The following ECT2L variants were observed in gnomAD, a reference collection of about 807,000 sequenced individuals.
ECT2L encodes epithelial cell-transforming sequence 2 oncogene-like.
Under a neutral mutation model 122.8 loss-of-function variants are expected in ECT2L, and 126 were observed. That is an observed-to-expected ratio of 1.03 (90% CI 0.89 to 1.19). The LOEUF (loss-of-function observed/expected upper bound fraction) is 1.19, where lower values mean the gene tolerates loss of function less well. Among genes scored for constraint, ECT2L ranks in the 50% most tolerant of loss-of-function variants. The probability of loss-of-function intolerance (pLI) is 0.00; values close to 1 mark genes in which losing one functional copy is unlikely to be tolerated. For missense variants in ECT2L, 1,012 were observed against 1,064.1 expected (o/e 0.95, Z 0.68); for synonymous variants, 385 against 381.8 (o/e 1.01, Z -0.10).
intron 13 of ECT2L, among the ~76,000 whole-genome samples, chr6:138,870,700 G>GA (rs1202614584): frequency 2.6e-5 from 4 of 152,026 alleles, no homozygotes; most frequent in Admixed American, 2.6e-4. Flanking sequence ...ATTCATTAAA[G>GA]AAAAAAATGG....
At position 138,876,561 on chromosome 6, in the gene ECT2L, A is replaced by C. The variant is rs761268713; in HGVS notation, c.1665+3A>C. The C allele has an allele frequency of 6.3e-7, 1 of 1,592,890 alleles. No individual in the cohort carries two copies. The highest frequency in any genetic ancestry group is 8.6e-7 in the Non-Finnish European group (1 of 1,161,844). ...ATTTTGAAGCACTGATTAATCTGGT[A>C]AGCTATTATATAATGTAACTTTACC... On this transcript the variant is annotated splice_donor_region_variant and intron_variant, in intron 14 of 21. Transcript: ENST00000541398.
At chr6:138,884,529 T>C (rs1778746699) in intron 16 of ECT2L, among the ~76,000 whole-genome samples, 1 of 151,892 alleles carries the variant, frequency 6.6e-6, no homozygotes, top group South Asian at 2.1e-4. Flanking sequence ...TCCTAGCTAC[T>C]TGGGAGGCTG....
chr6:138,882,682 C>CA (rs747465220), intron 15 of ECT2L, 42 bp from the exon 16 acceptor site: 25 of 1,604,692 alleles, frequency 1.6e-5, no homozygotes, highest in Non-Finnish European at 2.1e-5. Context: ...TGTAAGTTAT[C>CA]ACAAGTGAAT....
In ECT2L at chr6:138,888,884, G is replaced by A. The variant is rs369467347; in HGVS notation, c.2326-59G>A. The A allele has an allele frequency of 1.1e-3, 801 of 761,370 alleles. 17 individuals are homozygous for A. The South Asian group carries it at 0.027, about 25-fold the overall frequency. The allele number at this position is 761,370 out of a possible 1,614,324, so 47.2% of individuals were successfully genotyped here. On this transcript the variant is annotated intron_variant, in intron 19 of 21. Transcript: ENST00000541398. ...ATTCTGAGATATAAAATGGTTTGCAGTAGTAATTTTATTTAAAAAAATTTA... is the reference window on the plus strand; with the variant it reads ...ATTCTGAGATATAAAATGGTTTGCAATAGTAATTTTATTTAAAAAAATTTA...
In ECT2L at chr6:138,882,797, A is replaced by C. The variant is rs550284167; in HGVS notation, c.1954A>C (p.Lys652Gln). 6 of 1,614,204 alleles carry C rather than the reference A, an allele frequency of 3.7e-6. 1 individual carries two copies. In the South Asian group the frequency reaches 5.5e-5, roughly 15 times the overall value. The change falls in exon 16 of 22, where the codon AAG becomes CAG. Residue 652 changes from lysine (K) to glutamine (Q), a missense_variant. Transcript: ENST00000541398. ...PAHCVGEIVT[K>Q]FGSQLNTYTN... The stretch of plus-strand genomic sequence containing the variant: ...TCACTGTGTGGGAGAAATAGTCACG[A>C]AGTTTGGAAGCCAGTTAAACACATA...
intron 13 of ECT2L, among the ~76,000 whole-genome samples, chr6:138,874,898 C>T (rs1319115972): frequency 6.6e-6 from 1 of 151,908 alleles, no homozygotes; most frequent in African/African-American, 2.4e-5. Context: ...CCAGCCTGGG[C>T]AACATAGTGA....
chr6:138,898,749 C>CA (rs1457190571), intron 20 of ECT2L, among the ~76,000 whole-genome samples: 1 of 152,120 alleles, frequency 6.6e-6, no homozygotes, highest in Non-Finnish European at 1.5e-5. Context: ...TTATGAAGAA[C>CA]AACCTGGAGG....
intron 4 of ECT2L, among the ~76,000 whole-genome samples, chr6:138,827,370 GA>G (rs554050052): frequency 2.8e-5 from 4 of 144,186 alleles, no homozygotes; most frequent in Admixed American, 2.1e-4. Context: ...ACAAAAAACA[GA>G]AAAAAAAAAC....
chr6:138,797,641 GAGGAA>G (rs1775389344), intron 1 of ECT2L, among the ~76,000 whole-genome samples: 1 of 145,090 alleles, frequency 6.9e-6, no homozygotes, highest in Non-Finnish European at 1.6e-5. Context: ...GTTGTTCTGA[GAGGAA>G]AAAAAAAACA....
intron 4 of ECT2L, among the ~76,000 whole-genome samples, chr6:138,830,320 T>C (rs1449969874): frequency 3.3e-5 from 5 of 152,176 alleles, no homozygotes; most frequent in Admixed American, 6.5e-5. Context: ...GCAACAATCT[T>C]AGGCCTTGTG....
intron 1 of ECT2L, among the ~76,000 whole-genome samples, chr6:138,807,676 T>C (rs768519071): frequency 9.9e-5 from 15 of 152,194 alleles, no homozygotes; most frequent in Non-Finnish European, 1.8e-4. Context: ...CAAAATTTAA[T>C]GGCTTTAAAT....
At chr6:138,878,206 A>C (rs1489679965) in intron 14 of ECT2L, among the ~76,000 whole-genome samples, 1 of 152,126 alleles carries the variant, frequency 6.6e-6, no homozygotes, top group Non-Finnish European at 1.5e-5. Context: ...GTATGTACGA[A>C]AACGTTATAA....
intron 10 of ECT2L, among the ~76,000 whole-genome samples, chr6:138,855,830 T>G (rs1328681579): frequency 6.6e-6 from 1 of 152,222 alleles, no homozygotes; most frequent in Non-Finnish European, 1.5e-5. Flanking sequence ...CTAATATTAC[T>G]TTTATAATAG....
At chr6:138,835,181 TACAGA>T (rs756837070) in intron 4 of ECT2L, among the ~76,000 whole-genome samples, 5 of 152,218 alleles carry the variant, frequency 3.3e-5, no homozygotes, top group Non-Finnish European at 7.3e-5. Context: ...ATTTTTAACT[TACAGA>T]AAAGTTGCAA....
intron 4 of ECT2L, among the ~76,000 whole-genome samples, chr6:138,828,533 A>C (rs1391573900): frequency 6.6e-6 from 1 of 152,154 alleles, no homozygotes; most frequent in Admixed American, 6.5e-5. Context: ...GAAGCTGGCG[A>C]GTTCCAGTGG....
At chr6:138,894,745 CTCT>C (rs1292047637) in intron 20 of ECT2L, among the ~76,000 whole-genome samples, 2 of 152,142 alleles carry the variant, frequency 1.3e-5, no homozygotes, top group African/African-American at 4.8e-5. Context: ...CTGGAACTGC[CTCT>C]TCTTTTTCTT....
In ECT2L at chr6:138,814,605, TA is replaced by T; in HGVS notation, c.179+5del. 2 of 1,551,462 alleles carry T rather than the reference TA, an allele frequency of 1.3e-6. No individual in the cohort carries two copies. Among genetic ancestry groups the T allele is most frequent in the Non-Finnish European group, 1.8e-6 (2 of 1,125,080 alleles). On this transcript the variant is annotated splice_donor_region_variant and intron_variant, in intron 4 of 21. Coordinates refer to ENST00000541398, the MANE Select transcript of ECT2L (RefSeq NM_001077706.3). ...AAGATGCACTAAATCACAATTAAGGTAAATGTAGCCTAATGATGTAATTAAC... is the reference window on the plus strand; with the variant it reads ...AAGATGCACTAAATCACAATTAAGGTAATGTAGCCTAATGATGTAATTAAC...
chr6:138,852,639 A>G (rs1018513), intron 9 of ECT2L, among the ~76,000 whole-genome samples: 71,968 of 151,926 alleles, frequency 0.47, 18,104 homozygotes, highest in Middle Eastern at 0.65. Flanking sequence ...ATTGGCAGAA[A>G]CGAATTGACG....
chr6:138,846,124 C>T lies in ECT2L; in HGVS notation c.765-415C>T, dbSNP rs548449192. ...TTTAAGAAGCACAGAACAGCCCCTG[C>T]TCCTGGTATTGTTGGGGGTGAGGGT... On this transcript the variant is annotated intron_variant, in intron 7 of 21. Coordinates refer to ENST00000541398, the MANE Select transcript of ECT2L (RefSeq NM_001077706.3). Among the ~76,000 whole-genome samples the T allele has an allele frequency of 1.8e-4, 28 of 152,184 alleles. No individual in the cohort carries two copies. The South Asian group carries it at 5.4e-3, about 29-fold the overall frequency.
Sources: gnomAD v4.1 joint callset for allele counts (sites outside exome capture counted in the v4.1 genomes callset) on GRCh38, gnomAD v4.1.1 for gene constraint, MANE v1.5 for transcripts, NCBI Gene and HGNC (gene_info 2026-07-23, HGNC 2026-07-21) for gene names.